PLCL1: variants seen among roughly 807,000 people sequenced by gnomAD.
PLCL1 encodes phospholipase C like 1 (inactive).
A neutral mutation model predicts 84.4 loss-of-function variants in PLCL1; 41 were observed. The observed-to-expected ratio is 0.49, with a 90% CI of 0.38 to 0.63. PLCL1 has a LOEUF of 0.63. Ranked by LOEUF, PLCL1 falls within the 30% of genes least tolerant of loss-of-function variation. The pLI, the probability that PLCL1 is intolerant of heterozygous loss-of-function variation, is 0.00. For synonymous variants in PLCL1, 490 were observed against 488.3 expected, an observed-to-expected ratio of 1.00 and a Z score of -0.05; for missense variants, 1,206 against 1,367.8, an observed-to-expected ratio of 0.88 and a Z score of 1.87.
intron 1 of PLCL1, among the ~76,000 whole-genome samples, chr2:198,048,817 C>T (rs1465154451): frequency 6.6e-6 from 1 of 152,210 alleles, no homozygotes; most frequent in African/African-American, 2.4e-5. Flanking sequence ...CCATATTCAC[C>T]TCCTAGCGGC....
rs76545960 is a variant in PLCL1 at position 198,126,015 on chromosome 2, G to A, written c.3106-20765G>A. On this transcript the variant is annotated intron_variant, in intron 5 of 5. Coordinates refer to ENST00000428675, the MANE Select transcript of PLCL1 (RefSeq NM_006226.4). ...TCTTTAGTGGAATATAGCTTCTCAAGTCTCTAGGATAACAAAGTTTTAAAA... is the reference window on the plus strand; with the variant it reads ...TCTTTAGTGGAATATAGCTTCTCAAATCTCTAGGATAACAAAGTTTTAAAA... 3.2e-4 allele frequency among the ~76,000 whole-genome samples: 48 copies of A among 152,226 alleles called. 1 individual carries two copies. In the East Asian group the frequency reaches 8.7e-3, roughly 28 times the overall value.
chr2:198,115,313 A>G lies in PLCL1; in HGVS notation c.3105+11377A>G, dbSNP rs142577668. ...ATTGGTTAGTGGACACAAACAGACAAACAGTTCAGCTAGTCATTTATGAGG... is the reference window on the plus strand; with the variant it reads ...ATTGGTTAGTGGACACAAACAGACAGACAGTTCAGCTAGTCATTTATGAGG... On this transcript the variant is annotated intron_variant, in intron 5 of 5. Transcript: ENST00000428675. Among the ~76,000 whole-genome samples the G allele has an allele frequency of 1.6e-3, 250 of 151,948 alleles. 1 individual carries two copies. Among genetic ancestry groups the G allele is most frequent in the Non-Finnish European group, 2.8e-3 (192 of 67,850 alleles).
At chr2:198,024,428 AT>A (rs1205631042) in intron 1 of PLCL1, among the ~76,000 whole-genome samples, 1 of 152,124 alleles carries the variant, frequency 6.6e-6, no homozygotes, top group Non-Finnish European at 1.5e-5. Flanking sequence ...AAGCATAATT[AT>A]TTTTATATTA....
chr2:198,092,908 C>T (rs1477618699), intron 3 of PLCL1, among the ~76,000 whole-genome samples: 1 of 152,210 alleles, frequency 6.6e-6, no homozygotes, highest in Non-Finnish European at 1.5e-5. Context: ...GTAATGTTCA[C>T]TGAGTAAAAA....
At chr2:197,931,398 A>T (rs1467523364) in intron 1 of PLCL1, among the ~76,000 whole-genome samples, 2 of 152,188 alleles carry the variant, frequency 1.3e-5, no homozygotes, top group Non-Finnish European at 2.9e-5. Flanking sequence ...TATAATTACA[A>T]GGAGGCTCAG....
intron 1 of PLCL1, among the ~76,000 whole-genome samples, chr2:198,065,726 C>T (rs1692308105): frequency 6.6e-6 from 1 of 152,142 alleles, no homozygotes; most frequent in South Asian, 2.1e-4. Flanking sequence ...GGCCTATTTT[C>T]CCTTGATTAA....
chr2:197,922,916 C>T (rs1360681474), intron 1 of PLCL1, among the ~76,000 whole-genome samples: 3 of 137,866 alleles, frequency 2.2e-5, no homozygotes, highest in Non-Finnish European at 4.8e-5. Flanking sequence ...GACCCCCCCA[C>T]CTCCCTCCCA....
Position 198,085,209 on chromosome 2 carries a change from G to A in PLCL1, c.1692G>A (p.Met564Ile), listed in dbSNP as rs751476038. The change falls in exon 2 of 6, where the codon ATG (methionine) becomes ATA (isoleucine). Residue 564 changes from methionine (M) to isoleucine (I), a missense_variant. Transcript: ENST00000428675. The surrounding 1 kb of genome is among the most constrained non-coding windows in gnomAD (Gnocchi z 5.3). ...EVTDEDEEAE[M>I]SRRMSVDYNG... ...CAGATGAAGATGAAGAAGCTGAAAT[G>A]TCTCGAAGGATGTCGGTAGATTACA... The A allele has an allele frequency of 1.9e-6, 3 of 1,613,962 alleles. No homozygotes were observed. The highest frequency in any genetic ancestry group is 4.5e-5 in the East Asian group (2 of 44,886).
chr2:198,022,962 C>G (rs888649106), intron 1 of PLCL1, among the ~76,000 whole-genome samples: 1 of 152,064 alleles, frequency 6.6e-6, no homozygotes, highest in East Asian at 1.9e-4. Context: ...GCAAAAAGAA[C>G]AAAGCTGGAG....
chr2:197,988,772 A>AT (rs1690273319), intron 1 of PLCL1, among the ~76,000 whole-genome samples: 1 of 152,148 alleles, frequency 6.6e-6, no homozygotes, highest in African/African-American at 2.4e-5. Flanking sequence ...TGGTAGATCA[A>AT]TTTTTAGTTC....
chr2:197,961,264 A>AGAGAGAGAGAGAGAGC lies in PLCL1; in HGVS notation c.241-122491_241-122490insAGAGAGAGAGAGCGAG, dbSNP rs1353312792. On this transcript the variant is annotated intron_variant, in intron 1 of 5. Transcript: ENST00000428675. ...GAGAGAGAGAGAGAGAGAGAGAGAG[A>AGAGAGAGAGAGAGAGC]GAGCGAGCATGCATAGGTTTTAATG... is the stretch of plus-strand genomic sequence containing the variant. 5.2e-4 allele frequency among the ~76,000 whole-genome samples: 72 copies of AGAGAGAGAGAGAGAGC among 139,736 alleles called. No individual in the cohort carries two copies. In the East Asian group the frequency reaches 0.014, roughly 27 times the overall value. 91.7% of individuals were successfully genotyped at this position (139,736 alleles called of 152,430 possible). A position where few individuals can be genotyped will look rare whatever the true frequency, so the allele number is the denominator to read the frequency against.
At chr2:197,982,203 G>A (rs1255735566) in intron 1 of PLCL1, among the ~76,000 whole-genome samples, 1 of 149,146 alleles carries the variant, frequency 6.7e-6, no homozygotes, top group Non-Finnish European at 1.5e-5. Flanking sequence ...TAGAATTTAT[G>A]TATATATATA....
intron 1 of PLCL1, among the ~76,000 whole-genome samples, chr2:197,846,237 G>A (rs1687119253): frequency 6.6e-6 from 1 of 152,136 alleles, no homozygotes; most frequent in African/African-American, 2.4e-5. Flanking sequence ...TTTGGTGGAA[G>A]TATTTGATAA....
chr2:197,988,656 C>T (rs34867071), intron 1 of PLCL1, among the ~76,000 whole-genome samples: 76 of 152,280 alleles, frequency 5.0e-4, no homozygotes, highest in Admixed American at 8.5e-4. Context: ...CATATCTTTG[C>T]AATTGTGAAT....
intron 1 of PLCL1, among the ~76,000 whole-genome samples, chr2:197,995,004 C>A (rs1194097354): frequency 6.6e-6 from 1 of 152,068 alleles, no homozygotes; most frequent in Non-Finnish European, 1.5e-5. Flanking sequence ...CAATGCTTGC[C>A]CCATAAGTTT....
rs541666771 is a variant in PLCL1 at position 198,110,306 on chromosome 2, T to C, written c.3105+6370T>C. ...TATCACTACTTAAGCCTTTGCTCCT[T>C]CTGCTTTTATCTAAAACATTTTCAA... On this transcript the variant is annotated intron_variant, in intron 5 of 5. Coordinates refer to ENST00000428675, the MANE Select transcript of PLCL1 (RefSeq NM_006226.4). Among the ~76,000 whole-genome samples the C allele has an allele frequency of 6.6e-5, 10 of 152,030 alleles. No individual in the cohort carries two copies. In the South Asian group the frequency reaches 1.9e-3, roughly 28 times the overall value.
At chr2:197,903,751 C>T (rs1688320152) in intron 1 of PLCL1, among the ~76,000 whole-genome samples, 1 of 148,116 alleles carries the variant, frequency 6.8e-6, no homozygotes, top group Admixed American at 6.7e-5. Context: ...GATCTGCCCG[C>T]CTCAGCCTCC....
intron 1 of PLCL1, among the ~76,000 whole-genome samples, chr2:198,021,333 A>G (rs1187604181): frequency 1.3e-5 from 2 of 152,196 alleles, no homozygotes; most frequent in Non-Finnish European, 2.9e-5. Flanking sequence ...TCACAATTCA[A>G]AGAACTAGAG....
chr2:197,869,617 C>T (rs937204238), intron 1 of PLCL1, among the ~76,000 whole-genome samples: 5 of 152,150 alleles, frequency 3.3e-5, no homozygotes, highest in East Asian at 3.9e-4. Context: ...ACAACTGCCA[C>T]GGGTGGTACA....
Sources: gnomAD v4.1 joint callset for allele counts (sites outside exome capture counted in the v4.1 genomes callset) on GRCh38, gnomAD v4.1.1 for gene constraint, Gnocchi (gnomAD v3.1) non-coding constraint, MANE v1.5 for transcripts, NCBI Gene and HGNC (gene_info 2026-07-23, HGNC 2026-07-21) for gene names.